The following CENPF variants were observed in gnomAD, a reference collection of about 807,000 sequenced individuals.
CENPF encodes AH antigen.
Under a neutral mutation model 307.3 loss-of-function variants are expected in CENPF, and 214 were observed. The ratio of observed to expected loss-of-function variants is 0.70; its 90% CI spans 0.62 to 0.78. The LOEUF (loss-of-function observed/expected upper bound fraction) is 0.78, where lower values mean the gene tolerates loss of function less well. Ranked by LOEUF, CENPF falls within the 30% of genes least tolerant of loss-of-function variation. The pLI, the probability that CENPF is intolerant of heterozygous loss-of-function variation, is 0.00. For missense variants in CENPF, 3,401 were observed against 3,483.9 expected, an observed-to-expected ratio of 0.98 and a Z score of 0.60; for synonymous variants, 1,259 against 1,270.6, an observed-to-expected ratio of 0.99 and a Z score of 0.19.
Position 214,641,653 on chromosome 1 carries a change from A to G in CENPF, c.3315A>G (p.Thr1105=), listed in dbSNP as rs1658118970. The G allele has an allele frequency of 6.3e-7, 1 of 1,578,488 alleles. No individual in the cohort carries two copies. The highest frequency in any genetic ancestry group is 8.6e-7 in the Non-Finnish European group (1 of 1,165,516). The stretch of plus-strand genomic sequence containing the variant: ...AGAATCTGATGCTAGAGTTGGAGAC[A>G]GTGCAGCAAGCTCTGAGATCTGAGA... ...RNQNLMLELE[T]VQQALRSEMT... is the part of the protein sequence containing the mutation. Residue 1105 remains threonine (T), a synonymous_variant, in exon 12 of 20, where the codon ACA becomes ACG. Coordinates refer to ENST00000366955, the MANE Select transcript of CENPF (RefSeq NM_016343.4).
chr1:214,642,102 C>T lies in CENPF; in HGVS notation c.3764C>T (p.Ser1255Leu). ...LETSNLQDMQ[S>L]QEISGLKDCE... is the part of the protein sequence containing the mutation. The stretch of plus-strand genomic sequence containing the variant: ...ACCAGCAATTTGCAAGACATGCAGT[C>T]ACAAGAAATTAGTGGCCTTAAAGAC... The change falls in exon 12 of 20, where the codon TCA (serine) becomes TTA (leucine). Residue 1255 changes from serine (S) to leucine (L), a missense_variant. Physicochemically the swap from Ser to Leu is moderately radical, Grantham distance 145. Transcript: ENST00000366955. 1 of 1,611,934 alleles carries T rather than the reference C, an allele frequency of 6.2e-7. No homozygotes were observed. The highest frequency in any genetic ancestry group is 8.5e-7 in the Non-Finnish European group (1 of 1,179,372).
chr1:214,634,336 A>G (rs1019341560), intron 10 of CENPF, among the ~76,000 whole-genome samples: 3 of 152,178 alleles, frequency 2.0e-5, no homozygotes, highest in Non-Finnish European at 4.4e-5. Context: ...TGTGTTTTGC[A>G]TTGGGATTGG....
chr1:214,644,892 G>C lies in CENPF; in HGVS notation c.5322G>C (p.Leu1774=). Residue 1774 remains leucine (L), a synonymous_variant, in exon 13 of 20, where the codon CTG becomes CTC. Transcript: ENST00000366955. ...GNQEDIHNLQ[L]RVKETSNENL... ...AGGAAGATATCCATAATCTTCAACT[G>C]CGGGTAAAAGAGACATCAAATGAGA... is the stretch of plus-strand genomic sequence containing the variant. 6.2e-7 allele frequency: 1 copy of C among 1,614,004 alleles called. No homozygotes were observed.
At position 214,616,834 on chromosome 1, in the gene CENPF, C is replaced by CTT. The variant is rs1657353138; in HGVS notation, c.360-1739_360-1738insTT. 1.2e-4 allele frequency among the ~76,000 whole-genome samples: 17 copies of CTT among 143,692 alleles called. 1 individual carries two copies. Among genetic ancestry groups the CTT allele is most frequent in the African/African-American group, 4.3e-4 (16 of 36,998 alleles). 94.3% of individuals were successfully genotyped at this position (143,692 alleles called of 152,430 possible). A position where few individuals can be genotyped will look rare whatever the true frequency, so the allele number is the denominator to read the frequency against. On this transcript the variant is annotated intron_variant, in intron 3 of 19. Transcript: ENST00000366955. The stretch of plus-strand genomic sequence containing the variant: ...TCCTTCCTTCCTTCTTTCCTTCCTT[C>CTT]CTCTTTCTTTCTTTCTTTCTTTCTT...
chr1:214,631,874 C>A (rs1479628258), intron 9 of CENPF, among the ~76,000 whole-genome samples: 1 of 152,212 alleles, frequency 6.6e-6, no homozygotes, highest in Non-Finnish European at 1.5e-5. Flanking sequence ...CTACCAGGTA[C>A]AAGAGAGGGC....
intron 7 of CENPF, among the ~76,000 whole-genome samples, chr1:214,628,603 C>G (rs1210591721): frequency 6.6e-6 from 1 of 152,218 alleles, no homozygotes; most frequent in East Asian, 1.9e-4. Context: ...CGCCACCACA[C>G]CCGGCTAATT....
chr1:214,632,291 G>T (rs936991080), intron 9 of CENPF, among the ~76,000 whole-genome samples, 189 bp from the exon 10 acceptor site: 1 of 152,040 alleles, frequency 6.6e-6, no homozygotes, highest in Non-Finnish European at 1.5e-5. Flanking sequence ...ATATGCAGCC[G>T]CTGAGTGACG....
At chr1:214,605,652 G>T in intron 1 of CENPF, 1 of 1,550,404 alleles carries the variant, frequency 6.4e-7, no homozygotes, top group Non-Finnish European at 8.7e-7. Flanking sequence ...TTATTGCTGA[G>T]GTCTGGCCGG....
intron 16 of CENPF, chr1:214,654,408 T>TA (rs1164986014): frequency 1.0e-3 from 143 of 142,740 alleles, no homozygotes; most frequent in South Asian, 2.0e-3. Flanking sequence ...CCTCATCTCT[T>TA]AAAAAAAAAA....
chr1:214,619,180 G>A lies in CENPF; in HGVS notation c.533G>A (p.Arg178Gln), dbSNP rs760951737. The A allele has an allele frequency of 1.4e-5, 22 of 1,587,564 alleles. No individual in the cohort carries two copies. Among genetic ancestry groups the A allele is most frequent in the Non-Finnish European group, 1.6e-5 (18 of 1,159,490 alleles). ...AAATATAATAAAGAGGTTGAAGAAC[G>A]AAAAAGATTAGAGGCAGAGGTTAAA... ...KEKYNKEVEERKRLEAEVKAL... is the reference protein window; with the variant it reads ...KEKYNKEVEEQKRLEAEVKAL... The change falls in exon 5 of 20, where the codon CGA becomes CAA. Residue 178 changes from arginine (R) to glutamine (Q), a missense_variant. By Grantham distance (43) the Arg-to-Gln change is conservative (BLOSUM62 1). Coordinates refer to ENST00000366955, the MANE Select transcript of CENPF (RefSeq NM_016343.4).
intron 16 of CENPF, 59 bp from the exon 17 acceptor site, chr1:214,655,182 T>A: frequency 9.4e-7 from 1 of 1,066,554 alleles, no homozygotes; most frequent in Non-Finnish European, 1.3e-6. Flanking sequence ...ATAATTATTT[T>A]TCCATATGCT....
intron 1 of CENPF, among the ~76,000 whole-genome samples, chr1:214,609,842 C>G (rs12410075): frequency 0.04 from 6,090 of 152,206 alleles, 205 homozygotes; most frequent in East Asian, 0.12. Context: ...GCCTCTAATT[C>G]CATCCATGTT....
intron 1 of CENPF, chr1:214,608,739 G>A: frequency 6.3e-7 from 1 of 1,598,484 alleles, no homozygotes; most frequent in Non-Finnish European, 8.5e-7. Flanking sequence ...CCAAGGAATA[G>A]GTGGCCTCCG....
At chr1:214,605,333 A>T in intron 1 of CENPF, 1 of 262,756 alleles carries the variant, frequency 3.8e-6, no homozygotes, top group Non-Finnish European at 7.3e-6. Flanking sequence ...GGAAGTCACC[A>T]TCATTATTAT....
intron 19 of CENPF, among the ~76,000 whole-genome samples, chr1:214,662,609 A>G (rs1373277238): frequency 6.6e-6 from 1 of 152,142 alleles, no homozygotes; most frequent in Non-Finnish European, 1.5e-5. Flanking sequence ...TGTGCTGGAC[A>G]CAGATCCTTG....
chr1:214,663,537 T>C (rs1187895264), intron 19 of CENPF, 54 bp from the exon 20 acceptor site: 1 of 1,542,628 alleles, frequency 6.5e-7, no homozygotes, highest in African/African-American at 1.4e-5. Flanking sequence ...TTATTTTTCA[T>C]GTTGTGGAAA....
Position 214,642,437 on chromosome 1 carries a change from G to T in CENPF, c.4099G>T (p.Gly1367Cys). 1 of 1,594,978 alleles carries T rather than the reference G, an allele frequency of 6.3e-7. No individual in the cohort carries two copies. Among genetic ancestry groups the T allele is most frequent in the Non-Finnish European group, 8.5e-7 (1 of 1,170,838 alleles). ...HGELVEDIPG[G>C]EFGEQPNEQH... ...TGAGTTAGTGGAAGACATACCAGGA[G>T]GTGAATTTGGTGAACAACCAAATGA... Residue 1367 changes from glycine to cysteine, a missense_variant, in exon 12 of 20, where the codon GGT becomes TGT. By Grantham distance (159) the Gly-to-Cys change is radical (BLOSUM62 -3). Coordinates refer to ENST00000366955, the MANE Select transcript of CENPF (RefSeq NM_016343.4).
chr1:214,615,109 A>AATT, intron 3 of CENPF, 81 bp downstream of exon 3: 1 of 1,035,146 alleles, frequency 9.7e-7, no homozygotes. Context: ...TTAACAATAT[A>AATT]ATTATTATAC....
intron 10 of CENPF, among the ~76,000 whole-genome samples, chr1:214,634,879 G>C (rs760285835): frequency 6.6e-6 from 1 of 152,206 alleles, no homozygotes; most frequent in Non-Finnish European, 1.5e-5. Flanking sequence ...TGTGACAGTT[G>C]TACTGAAATT....
Sources: gnomAD v4.1 joint callset for allele counts (sites outside exome capture counted in the v4.1 genomes callset) on GRCh38, gnomAD v4.1.1 for gene constraint, MANE v1.5 for transcripts, NCBI Gene and HGNC (gene_info 2026-07-23, HGNC 2026-07-21) for gene names.